Variants in WDPCP observed in about 807,000 individuals in gnomAD.
WDPCP encodes the protein WD repeat-containing and planar cell polarity effector protein fritz homolog.
WDPCP carries 71 observed loss-of-function variants against 93.1 expected under a neutral mutation model. The observed-to-expected ratio is 0.76, with a 90% CI of 0.63 to 0.93. WDPCP has a LOEUF of 0.93. WDPCP is among the 40% of genes least tolerant of loss of function. The pLI, the probability that WDPCP is intolerant of heterozygous loss-of-function variation, is 0.00. For synonymous variants in WDPCP, 315 were observed against 315.0 expected, an observed-to-expected ratio of 1.00 and a Z score of 0.00; for missense variants, 844 against 887.4, an observed-to-expected ratio of 0.95 and a Z score of 0.62.
At chr2:63,615,893 G>A (rs1709667053) in intron 3 of WDPCP, among the ~76,000 whole-genome samples, 1 of 152,186 alleles carries the variant, frequency 6.6e-6, no homozygotes, top group Non-Finnish European at 1.5e-5. Context: ...TCACCATAGA[G>A]CTAAATTCAT....
At chr2:63,705,029 G>A (rs1669126081) in intron 2 of WDPCP, among the ~76,000 whole-genome samples, 1 of 152,180 alleles carries the variant, frequency 6.6e-6, no homozygotes, top group South Asian at 2.1e-4. Flanking sequence ...AGTCTTGGGA[G>A]GGTGTATGTG....
intron 17 of WDPCP, among the ~76,000 whole-genome samples, chr2:63,125,363 TA>T (rs1318969494): frequency 1.3e-5 from 2 of 152,240 alleles, no homozygotes; most frequent in Non-Finnish European, 1.5e-5. Context: ...AATTATGATT[TA>T]AGTATTTTAC....
chr2:63,815,864 C>T (rs925530438), intron 1 of WDPCP, among the ~76,000 whole-genome samples: 1 of 150,882 alleles, frequency 6.6e-6, no homozygotes, highest in African/African-American at 2.4e-5. Context: ...GTCAAACTGT[C>T]TTTGTTTTGT....
At chr2:63,416,887 T>C (rs1695474508) in intron 9 of WDPCP, among the ~76,000 whole-genome samples, 2 of 152,214 alleles carry the variant, frequency 1.3e-5, no homozygotes, top group Admixed American at 1.3e-4. Context: ...AAGTTGGACC[T>C]GACCCTGTAT....
intron 2 of WDPCP, among the ~76,000 whole-genome samples, chr2:63,750,728 T>C (rs1272162198): frequency 2.0e-5 from 3 of 151,814 alleles, no homozygotes; most frequent in South Asian, 2.1e-4. Flanking sequence ...TCTGCATCTA[T>C]GGAAATGATC....
chr2:63,538,037 G>A lies in WDPCP; in HGVS notation c.76-45097C>T, dbSNP rs1272776577. Reference sequence around the variant, plus strand: ...AATTTGCAATCATCTTATAATATGCGCTAAAAAACAAGGTTTTGGGGTTTT... The same window carrying A: ...AATTTGCAATCATCTTATAATATGCACTAAAAAACAAGGTTTTGGGGTTTT... On this transcript the variant is annotated intron_variant, in intron 1 of 17. Transcript: ENST00000272321. Among the ~76,000 whole-genome samples the A allele has an allele frequency of 3.9e-5, 6 of 151,986 alleles. No homozygotes were observed. The South Asian group carries it at 6.2e-4, about 16-fold the overall frequency.
chr2:63,308,522 A>G (rs1685926864), intron 13 of WDPCP, among the ~76,000 whole-genome samples: 1 of 152,252 alleles, frequency 6.6e-6, no homozygotes, highest in Admixed American at 6.5e-5. Flanking sequence ...GACTGGATAA[A>G]GAAAATGTGG....
At chr2:63,148,920 G>A in intron 17 of WDPCP, among the ~76,000 whole-genome samples, 1 of 151,802 alleles carries the variant, frequency 6.6e-6, no homozygotes, top group East Asian at 1.9e-4. Flanking sequence ...AAAGACAAAT[G>A]TGAAAGGTAA....
intron 11 of WDPCP, among the ~76,000 whole-genome samples, chr2:63,379,933 T>C (rs891129244): frequency 6.6e-6 from 1 of 152,150 alleles, no homozygotes; most frequent in Non-Finnish European, 1.5e-5. Flanking sequence ...AAAATTTTAT[T>C]TTAATAGCCT....
chr2:63,123,551 A>G (rs1315486948), intron 17 of WDPCP, among the ~76,000 whole-genome samples: 3 of 151,908 alleles, frequency 2.0e-5, no homozygotes. Context: ...CCTTTGGGGG[A>G]TTTTCTTTAA....
At chr2:63,653,780 G>A (rs188030001) in intron 2 of WDPCP, among the ~76,000 whole-genome samples, 310 of 152,006 alleles carry the variant, frequency 2.0e-3, no homozygotes, top group Non-Finnish European at 3.3e-3. Context: ...GTGTAATGGC[G>A]GTGCCTATAA....
intron 13 of WDPCP, among the ~76,000 whole-genome samples, chr2:63,264,893 A>G (rs1681972065): frequency 6.6e-6 from 1 of 152,208 alleles, no homozygotes; most frequent in Non-Finnish European, 1.5e-5. Flanking sequence ...ATGGCATGAA[A>G]CTATAAATCA....
chr2:63,432,922 G>A (rs1040309132), intron 9 of WDPCP, among the ~76,000 whole-genome samples: 1 of 152,078 alleles, frequency 6.6e-6, no homozygotes, highest in African/African-American at 2.4e-5. Context: ...ATCTTATCTC[G>A]AATACTAATT....
chr2:63,450,704 TAAACC>T (rs1698183509), intron 6 of WDPCP, among the ~76,000 whole-genome samples: 1 of 152,014 alleles, frequency 6.6e-6, no homozygotes, highest in South Asian at 2.1e-4. Flanking sequence ...AACCACACCC[TAAACC>T]ACTGAGGAAA....
chr2:63,815,042 G>C (rs183693429), intron 1 of WDPCP, among the ~76,000 whole-genome samples: 1 of 152,142 alleles, frequency 6.6e-6, no homozygotes, highest in East Asian at 1.9e-4. Flanking sequence ...TCGATTTATA[G>C]ACATTGCAAA....
At chr2:63,452,811 T>C (rs1317178433) in intron 6 of WDPCP, among the ~76,000 whole-genome samples, 1 of 152,182 alleles carries the variant, frequency 6.6e-6, no homozygotes, top group South Asian at 2.1e-4. Context: ...TATCTGATCT[T>C]TGACAAACCT....
chr2:63,362,032 G>T (rs1365777707), intron 12 of WDPCP, among the ~76,000 whole-genome samples: 2 of 152,022 alleles, frequency 1.3e-5, no homozygotes, highest in Non-Finnish European at 2.9e-5. Flanking sequence ...AGGGTAATTG[G>T]GATATCCATC....
chr2:63,544,723 A>G (rs747156339), intron 1 of WDPCP, among the ~76,000 whole-genome samples: 1 of 152,154 alleles, frequency 6.6e-6, no homozygotes, highest in Non-Finnish European at 1.5e-5. Flanking sequence ...TAAAAGCTGT[A>G]TATAAGGAAA....
intron 12 of WDPCP, among the ~76,000 whole-genome samples, chr2:63,374,628 A>G (rs952681635): frequency 3.9e-5 from 6 of 152,136 alleles, no homozygotes; most frequent in Non-Finnish European, 8.8e-5. Flanking sequence ...TGTTTTGCCT[A>G]TCATATATAT....
Sources: gnomAD v4.1 joint callset for allele counts (sites outside exome capture counted in the v4.1 genomes callset) on GRCh38, gnomAD v4.1.1 for gene constraint, MANE v1.5 for transcripts, NCBI Gene and HGNC (gene_info 2026-07-23, HGNC 2026-07-21) for gene names.